DLGAP2: variants seen among roughly 807,000 people sequenced by gnomAD.
The protein encoded by DLGAP2 is DLG associated protein 2.
A neutral mutation model predicts 100.3 loss-of-function variants in DLGAP2; 26 were observed. The observed-to-expected ratio is 0.26, with a 90% CI of 0.19 to 0.36. The LOEUF (loss-of-function observed/expected upper bound fraction) is 0.36, where lower values mean the gene tolerates loss of function less well. DLGAP2 is among the 10% of genes least tolerant of loss of function. The pLI is 1.00. For missense variants in DLGAP2, 1,858 were observed against 1,453.2 expected (o/e 1.28, Z -4.53); for synonymous variants, 886 against 630.1 (o/e 1.41, Z -6.08).
chr8:1,487,119 T>C (rs1008403862), intron 3 of DLGAP2, among the ~76,000 whole-genome samples: 1 of 152,298 alleles, frequency 6.6e-6, no homozygotes, highest in Non-Finnish European at 1.5e-5. Context: ...CTTGTACTTA[T>C]TTGGTTTTCT....
intron 3 of DLGAP2, among the ~76,000 whole-genome samples, chr8:1,344,063 G>GGAGT (rs1258378353): frequency 1.4e-5 from 2 of 145,370 alleles, no homozygotes; most frequent in African/African-American, 2.5e-5. Flanking sequence ...TTACAGTAAT[G>GGAGT]GAGTAATGCC....
intron 3 of DLGAP2, among the ~76,000 whole-genome samples, chr8:1,495,792 T>C (rs915440187): frequency 4.6e-5 from 7 of 152,180 alleles, no homozygotes; most frequent in Admixed American, 1.3e-4. Flanking sequence ...CGCTTTCTAG[T>C]GTCTGCGATG....
intron 2 of DLGAP2, among the ~76,000 whole-genome samples, chr8:1,255,037 C>A (rs903532936): frequency 1.5e-5 from 1 of 65,218 alleles, no homozygotes; most frequent in Non-Finnish European, 3.4e-5. Flanking sequence ...TTCTCCTGCC[C>A]AGCCGCTGTG....
Position 1,625,327 on chromosome 8 carries a change from A to T in DLGAP2, c.1443-1413A>T, listed in dbSNP as rs148308348. ...TGCACTGTGGAAAGATTGTCAATAA[A>T]ACTGGAAAGTGGTCCAGTTAGCCAG... On this transcript the variant is annotated intron_variant, in intron 6 of 14. Transcript: ENST00000637795. 4.9e-3 allele frequency among the ~76,000 whole-genome samples: 748 copies of T among 152,344 alleles called. 6 individuals are homozygous for T. The highest frequency in any genetic ancestry group is 0.017 in the African/African-American group (701 of 41,580).
chr8:1,687,088 A>G (rs546309975), intron 12 of DLGAP2, among the ~76,000 whole-genome samples: 1 of 152,202 alleles, frequency 6.6e-6, no homozygotes, highest in Non-Finnish European at 1.5e-5. Flanking sequence ...TCTGGGAGCC[A>G]TAGCTTAGGC....
chr8:1,374,191 T>G (rs565948419), intron 3 of DLGAP2, among the ~76,000 whole-genome samples: 11 of 148,420 alleles, frequency 7.4e-5, no homozygotes, highest in African/African-American at 2.0e-4. Flanking sequence ...GTGGTGGAGG[T>G]TAGGGTCGGT....
intron 2 of DLGAP2, among the ~76,000 whole-genome samples, chr8:1,180,218 CT>C (rs929331546): frequency 7.1e-6 from 1 of 141,438 alleles, no homozygotes; most frequent in African/African-American, 3.2e-5. Flanking sequence ...TGACTTATAA[CT>C]TACAGTGAAG....
At chr8:1,531,235 C>CATGTGCGTGT (rs1554491948) in intron 4 of DLGAP2, among the ~76,000 whole-genome samples, 1 of 140,130 alleles carries the variant, frequency 7.1e-6, no homozygotes, top group African/African-American at 2.8e-5. Context: ...TATTAGAGAG[C>CATGTGCGTGT]GTGTGCGTGT....
intron 6 of DLGAP2, among the ~76,000 whole-genome samples, chr8:1,624,162 T>G (rs576375146): frequency 6.6e-6 from 1 of 152,316 alleles, no homozygotes; most frequent in South Asian, 2.1e-4. Context: ...TTGAGAATGT[T>G]AAAATGCAAA....
In DLGAP2 at chr8:1,190,964, A is replaced by AG. The variant is rs1797622044; in HGVS notation, c.74-67881dup. Reference sequence around the variant, plus strand: ...GTGCGACATCCCCAGCAGCGCAGCGAGGGGGGTGGGTGAGGCTTGGACCAA... The same window carrying AG: ...GTGCGACATCCCCAGCAGCGCAGCGAGGGGGGGTGGGTGAGGCTTGGACCAA... On this transcript the variant is annotated intron_variant, in intron 2 of 14. Transcript: ENST00000637795. 3.9e-5 allele frequency among the ~76,000 whole-genome samples: 6 copies of AG among 152,144 alleles called. No homozygotes were observed. The South Asian group carries it at 1.0e-3, about 26-fold the overall frequency.
intron 3 of DLGAP2, among the ~76,000 whole-genome samples, chr8:1,471,662 C>T (rs1162270479): frequency 2.0e-5 from 3 of 149,164 alleles, no homozygotes; most frequent in African/African-American, 5.1e-5. Flanking sequence ...ACCCCACACA[C>T]CTCCCTTTAT....
At chr8:1,262,632 A>G (rs1799374721) in intron 3 of DLGAP2, 1 of 152,180 alleles carries the variant, frequency 6.6e-6, no homozygotes, top group Non-Finnish European at 1.5e-5. Context: ...GTCTCAATTT[A>G]TATCATTTTC....
At chr8:1,032,356 A>C (rs1802000189) in intron 2 of DLGAP2, among the ~76,000 whole-genome samples, 1 of 152,062 alleles carries the variant, frequency 6.6e-6, no homozygotes, top group Admixed American at 6.5e-5. Context: ...CCTGCCTGTC[A>C]CTCGGCAGGA....
At position 1,702,140 on chromosome 8, in the gene DLGAP2, TCA is replaced by T; in HGVS notation, c.*736_*737del. ...TAAGCTGAGTGTTCCCACCAGGAAG[TCA>T]CGCGCAGAGAGGAGAGTCTTACGGA... On this transcript the variant is annotated 3_prime_UTR_variant, in exon 15 of 15. Coordinates refer to ENST00000637795, the MANE Select transcript of DLGAP2 (RefSeq NM_001346810.2). The T allele has an allele frequency of 6.6e-6, 1 of 152,312 alleles. No individual in the cohort carries two copies. Among genetic ancestry groups the T allele is most frequent in the Admixed American group, 6.5e-5 (1 of 15,296 alleles). 9.4% of individuals were successfully genotyped at this position (152,312 alleles called of 1,614,324 possible).
chr8:749,458 G>T (rs1358598984), intron 1 of DLGAP2, among the ~76,000 whole-genome samples: 2 of 149,432 alleles, frequency 1.3e-5, no homozygotes, highest in Non-Finnish European at 3.0e-5. Flanking sequence ...AAATTACCTT[G>T]TTTTTTTTTC....
chr8:1,094,984 C>G (rs1804318650), intron 2 of DLGAP2, among the ~76,000 whole-genome samples: 1 of 152,208 alleles, frequency 6.6e-6, no homozygotes, highest in Non-Finnish European at 1.5e-5. Context: ...ACTTCCAGGT[C>G]TCAGCAGCCT....
chr8:1,185,964 A>T (rs1031787019), intron 2 of DLGAP2, among the ~76,000 whole-genome samples: 4 of 151,654 alleles, frequency 2.6e-5, no homozygotes, highest in Admixed American at 2.6e-4. Context: ...GCCTCCTGTC[A>T]CCTCCCTCCA....
Position 1,704,177 on chromosome 8 carries a change from G to C in DLGAP2, c.*2771G>C, listed in dbSNP as rs747131090. 6.6e-6 allele frequency: 1 copy of C among 152,560 alleles called. No homozygotes were observed. The highest frequency in any genetic ancestry group is 1.5e-5 in the Non-Finnish European group (1 of 68,040). The allele number at this position is 152,560 out of a possible 1,614,324, so 9.5% of individuals were successfully genotyped here. A position where few individuals can be genotyped will look rare whatever the true frequency, so the allele number is the denominator to read the frequency against. On this transcript the variant is annotated 3_prime_UTR_variant, in exon 15 of 15. Transcript: ENST00000637795. ...CAGATCATGCCATGGAGCTCACGACGTGTGACCATTTCGTCATATTTAAAA... is the reference window on the plus strand; with the variant it reads ...CAGATCATGCCATGGAGCTCACGACCTGTGACCATTTCGTCATATTTAAAA...
rs777119247 is a variant in DLGAP2 at position 1,548,707 on chromosome 8, C to A, written c.254C>A (p.Ser85Tyr). The A allele has an allele frequency of 6.2e-7, 1 of 1,607,396 alleles. No individual in the cohort carries two copies. Among genetic ancestry groups the A allele is most frequent in the Non-Finnish European group, 8.5e-7 (1 of 1,178,208 alleles). ...SPAPRSMKGL[S>Y]GSRTQPPLCS... is the part of the protein sequence containing the mutation. Reference sequence around the variant, plus strand: ...GCGCCCAGGAGCATGAAGGGCCTTTCCGGAAGTCGGACCCAGCCGCCGCTG... The same window carrying A: ...GCGCCCAGGAGCATGAAGGGCCTTTACGGAAGTCGGACCCAGCCGCCGCTG... The change falls in exon 5 of 15, where the codon TCC becomes TAC. Residue 85 changes from serine to tyrosine, a missense_variant. By Grantham distance (144) the Ser-to-Tyr change is moderately radical. Coordinates refer to ENST00000637795, the MANE Select transcript of DLGAP2 (RefSeq NM_001346810.2).
Sources: allele counts gnomAD v4.1 joint callset (sites outside exome capture counted in the v4.1 genomes callset), GRCh38; gene constraint gnomAD v4.1.1; transcripts MANE v1.5; gene names NCBI Gene and HGNC (gene_info 2026-07-23, HGNC 2026-07-21).